Variants in DACH2 observed in about 807,000 individuals in gnomAD.
DACH2 encodes the protein dachshund homolog 2.
A neutral mutation model predicts 35.8 loss-of-function variants in DACH2; 17 were observed. That is an observed-to-expected ratio of 0.48 (90% CI 0.33 to 0.71). DACH2 has a LOEUF of 0.71. DACH2 is among the 30% of genes least tolerant of loss of function. The pLI is 0.02. For synonymous variants in DACH2, 195 were observed against 177.3 expected, an observed-to-expected ratio of 1.10 and a Z score of -0.79; for missense variants, 469 against 472.7, an observed-to-expected ratio of 0.99 and a Z score of 0.07.
intron 4 of DACH2, among the ~76,000 whole-genome samples, chrX:86,684,006 G>A (rs1033618523): frequency 3.2e-4 from 36 of 110,775 alleles, no homozygotes; most frequent in Non-Finnish European, 1.5e-4. Context: ...TCTATTTTGC[G>A]TCGGTCTCTA....
At chrX:86,500,285 A>G (rs1369338262) in intron 2 of DACH2, among the ~76,000 whole-genome samples, 2 of 111,679 alleles carry the variant, frequency 1.8e-5, no homozygotes, top group Non-Finnish European at 3.8e-5. Flanking sequence ...GAGGATGTAA[A>G]CCCTAACCTT....
At chrX:86,688,999 T>G (rs1237391969) in intron 4 of DACH2, among the ~76,000 whole-genome samples, 1 of 111,806 alleles carries the variant, frequency 8.9e-6, no homozygotes, top group East Asian at 2.8e-4. Flanking sequence ...TATTGGCAAG[T>G]GCAGCCCTAG....
chrX:86,536,376 C>A lies in DACH2; in HGVS notation c.640+21985C>A, dbSNP rs181910598. 2.2e-4 allele frequency among the ~76,000 whole-genome samples: 25 copies of A among 111,474 alleles called. No homozygotes were observed. The East Asian group carries it at 6.8e-3, about 30-fold the overall frequency. On this transcript the variant is annotated intron_variant, in intron 3 of 11. Transcript: ENST00000373125. ...AAGTATTTTATCTCAAAATATATTT[C>A]TTTGGCATATTTTGAAATGGCCCTG... is the stretch of plus-strand genomic sequence containing the variant.
At chrX:86,675,789 A>G (rs1345305817) in intron 4 of DACH2, among the ~76,000 whole-genome samples, 1 of 111,665 alleles carries the variant, frequency 9.0e-6, no homozygotes, top group African/African-American at 3.3e-5. Context: ...AATTTGTAAG[A>G]GAACATATTT....
chrX:86,188,780 G>T (rs753952706), intron 1 of DACH2, among the ~76,000 whole-genome samples: 1 of 112,120 alleles, frequency 8.9e-6, no homozygotes, highest in African/African-American at 3.2e-5. Context: ...GATTCTCCCC[G>T]AAAGGAACCA....
chrX:86,300,827 A>C (rs1474446656), intron 1 of DACH2, among the ~76,000 whole-genome samples: 1 of 112,020 alleles, frequency 8.9e-6, no homozygotes, highest in Admixed American at 9.5e-5. Flanking sequence ...TGCACATGGA[A>C]ATTGTATTTT....
rs1373222676 is a variant in DACH2 at position 86,417,555 on chromosome X, G to T, written c.527+40693G>T. Among the ~76,000 whole-genome samples the T allele has an allele frequency of 2.7e-5, 3 of 111,079 alleles. No individual in the cohort carries two copies. The East Asian group carries it at 8.6e-4, about 32-fold the overall frequency. On this transcript the variant is annotated intron_variant, in intron 2 of 11. Coordinates refer to ENST00000373125, the MANE Select transcript of DACH2 (RefSeq NM_053281.3). Reference sequence around the variant, plus strand: ...CCTGTTTCTGTTTTTAAAACCATCAGATCTCATGAGACTCATTCACTATAA... The same window carrying T: ...CCTGTTTCTGTTTTTAAAACCATCATATCTCATGAGACTCATTCACTATAA...
At chrX:86,320,095 G>A (rs1054269393) in intron 1 of DACH2, among the ~76,000 whole-genome samples, 1 of 111,249 alleles carries the variant, frequency 9.0e-6, no homozygotes, top group African/African-American at 3.3e-5. Context: ...AATGGGATTT[G>A]TGGCAACTTT....
chrX:86,508,416 C>T (rs1465893093), intron 2 of DACH2, among the ~76,000 whole-genome samples: 6 of 109,292 alleles, frequency 5.5e-5, no homozygotes, highest in African/African-American at 1.3e-4. Context: ...AAAAATTAGT[C>T]GGGCGTGGTG....
rs73504025 is a variant in DACH2, at chrX:86,507,717, A to T, written c.528-6562A>T. Among the ~76,000 whole-genome samples, 504 of 111,990 alleles carry T rather than the reference A, an allele frequency of 4.5e-3. 5 individuals carry two copies. Among genetic ancestry groups the T allele is most frequent in the African/African-American group, 0.015 (476 of 30,835 alleles). On this transcript the variant is annotated intron_variant, in intron 2 of 11. Coordinates refer to ENST00000373125, the MANE Select transcript of DACH2 (RefSeq NM_053281.3). The stretch of plus-strand genomic sequence containing the variant: ...CAGGTTACCAGACTAAATCATTTAG[A>T]CTTTATTTTGTATGCAGTCAGAAAT...
At chrX:86,563,800 G>C (rs984867323) in intron 3 of DACH2, among the ~76,000 whole-genome samples, 2 of 110,479 alleles carry the variant, frequency 1.8e-5, no homozygotes, top group African/African-American at 6.6e-5. Flanking sequence ...GCCCACCTCT[G>C]TAAAACACCA....
intron 7 of DACH2, among the ~76,000 whole-genome samples, chrX:86,794,675 T>C (rs1289405490): frequency 3.6e-5 from 4 of 111,766 alleles, no homozygotes; most frequent in Non-Finnish European, 7.5e-5. Context: ...AGTGAGTCAA[T>C]TTTCTAGGCA....
chrX:86,708,266 C>T (rs1240553811), intron 5 of DACH2, among the ~76,000 whole-genome samples: 1 of 110,139 alleles, frequency 9.1e-6, no homozygotes, highest in Non-Finnish European at 1.9e-5. Context: ...TTCTATTCAT[C>T]GTTATACTGG....
intron 2 of DACH2, among the ~76,000 whole-genome samples, chrX:86,447,236 G>A (rs1308387434): frequency 1.2e-5 from 1 of 80,773 alleles, no homozygotes; most frequent in Non-Finnish European, 2.4e-5. Context: ...TTTCTCCCAT[G>A]TTGTAGGTTG....
At chrX:86,615,319 G>C (rs114990026) in intron 3 of DACH2, among the ~76,000 whole-genome samples, 1,546 of 111,586 alleles carry the variant, frequency 0.014, 31 homozygotes, top group African/African-American at 0.048. Flanking sequence ...TGACAACACT[G>C]TGAATGAATA....
At chrX:86,584,943 C>T (rs1265442573) in intron 3 of DACH2, among the ~76,000 whole-genome samples, 1 of 110,979 alleles carries the variant, frequency 9.0e-6, no homozygotes, top group Non-Finnish European at 1.9e-5. Context: ...ATTTAGAAGG[C>T]CTCCACCTGA....
At position 86,197,662 on chromosome X, in the gene DACH2, C is replaced by CA. The variant is rs755706774; in HGVS notation, c.488+48562dup. Among the ~76,000 whole-genome samples, 8 of 109,926 alleles carry CA rather than the reference C, an allele frequency of 7.3e-5. No homozygotes were observed. In the East Asian group the frequency reaches 1.1e-3, roughly 16 times the overall value. ...TTAAATGAAAAGAGATCAAAAAAGA[C>CA]AAAAAAAAGAGAGCATTACATAATG... On this transcript the variant is annotated intron_variant, in intron 1 of 11. Coordinates refer to ENST00000373125, the MANE Select transcript of DACH2 (RefSeq NM_053281.3).
intron 2 of DACH2, among the ~76,000 whole-genome samples, chrX:86,446,393 A>T (rs1193610704): frequency 1.4e-5 from 1 of 69,519 alleles, no homozygotes; most frequent in Non-Finnish European, 2.6e-5. Flanking sequence ...CGCTGCACCC[A>T]CTAACGTGTC....
chrX:86,689,647 C>A (rs1379359554), intron 4 of DACH2, among the ~76,000 whole-genome samples: 2 of 111,285 alleles, frequency 1.8e-5, no homozygotes, highest in Non-Finnish European at 3.8e-5. Flanking sequence ...TTTTTCTTTG[C>A]CTTATGCACA....
Sources: allele counts gnomAD v4.1 joint callset (sites outside exome capture counted in the v4.1 genomes callset), GRCh38; gene constraint gnomAD v4.1.1; transcripts MANE v1.5; gene names NCBI Gene and HGNC (gene_info 2026-07-23, HGNC 2026-07-21).